The following PEAK1 variants were observed in gnomAD, a reference collection of about 807,000 sequenced individuals.
The protein encoded by PEAK1 is inactive tyrosine-protein kinase PEAK1.
Under a neutral mutation model 124.7 loss-of-function variants are expected in PEAK1, and 54 were observed. The observed-to-expected ratio is 0.43, with a 90% CI of 0.35 to 0.54. PEAK1 has a LOEUF of 0.54. Among genes scored for constraint, PEAK1 ranks in the 20% least tolerant of loss-of-function variants. PEAK1 has a pLI of 0.01. For missense variants in PEAK1, 2,046 were observed against 2,134.5 expected (o/e 0.96, Z 0.82); for synonymous variants, 719 against 760.0 (o/e 0.95, Z 0.89).
At chr15:77,174,800 C>A (rs905901333) in intron 7 of PEAK1, among the ~76,000 whole-genome samples, 16 of 152,154 alleles carry the variant, frequency 1.1e-4, no homozygotes, top group African/African-American at 3.6e-4. Flanking sequence ...CCAAGTCAAT[C>A]CTAAGCCAAA....
At chr15:77,200,794 ATTGT>A (rs2058324891) in intron 6 of PEAK1, among the ~76,000 whole-genome samples, 1 of 152,114 alleles carries the variant, frequency 6.6e-6, no homozygotes, top group African/African-American at 2.4e-5. Flanking sequence ...TTAGCAGGTG[ATTGT>A]TTCATGTTTG....
intron 6 of PEAK1, among the ~76,000 whole-genome samples, chr15:77,219,427 A>T (rs912594044): frequency 5.9e-5 from 9 of 152,156 alleles, no homozygotes; most frequent in African/African-American, 1.9e-4. Flanking sequence ...TAATCCCTTT[A>T]TATGTATGAG....
At chr15:77,280,454 T>C (rs2062604327) in intron 5 of PEAK1, among the ~76,000 whole-genome samples, 1 of 152,270 alleles carries the variant, frequency 6.6e-6, no homozygotes. Context: ...AATAGATACA[T>C]AAAGTGTATT....
At chr15:77,270,072 T>A (rs963609478) in intron 5 of PEAK1, among the ~76,000 whole-genome samples, 4 of 152,158 alleles carry the variant, frequency 2.6e-5, no homozygotes, top group African/African-American at 9.7e-5. Flanking sequence ...GAGGAGTGCT[T>A]TACTTCCAAC....
chr15:77,321,464 A>C (rs529121193), intron 2 of PEAK1, among the ~76,000 whole-genome samples: 2 of 152,318 alleles, frequency 1.3e-5, no homozygotes, highest in African/African-American at 4.8e-5. Flanking sequence ...TCTTCTTTTG[A>C]AAAGTGTCTG....
intron 6 of PEAK1, among the ~76,000 whole-genome samples, chr15:77,189,111 G>A (rs1213988492): frequency 1.3e-5 from 2 of 152,134 alleles, no homozygotes; most frequent in Non-Finnish European, 2.9e-5. Flanking sequence ...TGAGGCAGGA[G>A]AATCACTTGA....
chr15:77,168,595 C>T (rs183009302), intron 7 of PEAK1, among the ~76,000 whole-genome samples: 100 of 152,270 alleles, frequency 6.6e-4, no homozygotes, highest in African/African-American at 2.4e-3. Context: ...CATAGTTTGC[C>T]AACTCCTGGT....
chr15:77,311,360 C>T (rs934979915), intron 2 of PEAK1, among the ~76,000 whole-genome samples: 5 of 151,904 alleles, frequency 3.3e-5, no homozygotes, highest in East Asian at 1.9e-4. Context: ...AAGGAATGTT[C>T]GGAAATAAAT....
chr15:77,320,374 C>T (rs75239489), intron 2 of PEAK1, among the ~76,000 whole-genome samples: 3,449 of 152,252 alleles, frequency 0.023, 111 homozygotes, highest in African/African-American at 0.072. Flanking sequence ...ATCCCTAGTG[C>T]TGATCATGAT....
chr15:77,190,319 T>C lies in PEAK1; in HGVS notation c.-114-8279A>G, dbSNP rs191229014. On this transcript the variant is annotated intron_variant, in intron 6 of 9. Transcript: ENST00000682557. ...CTTTTGAGGAAATACCATAATAAAC[T>C]AGTCTTTCCTAGTGCAGATATTTGG... Among the ~76,000 whole-genome samples the C allele has an allele frequency of 6.2e-4, 95 of 152,348 alleles. 1 individual carries two copies. Among genetic ancestry groups the C allele is most frequent in the Non-Finnish European group, 2.9e-5 (2 of 68,036 alleles).
intron 8 of PEAK1, chr15:77,155,946 T>A (rs930360686): frequency 1.3e-5 from 2 of 152,860 alleles, no homozygotes. Flanking sequence ...TGCTCGGGGG[T>A]CAGGGACCCA....
intron 8 of PEAK1, among the ~76,000 whole-genome samples, chr15:77,153,422 T>A (rs998075599): frequency 6.6e-6 from 1 of 152,186 alleles, no homozygotes; most frequent in Non-Finnish European, 1.5e-5. Context: ...TTGTTGATCT[T>A]TTCAAAAAAA....
At chr15:77,274,494 A>C (rs11857330) in intron 5 of PEAK1, among the ~76,000 whole-genome samples, 54,723 of 151,874 alleles carry the variant, frequency 0.36, 10,020 homozygotes, top group Non-Finnish European at 0.38. Context: ...AAATGGCCAA[A>C]AAACATATGA....
intron 9 of PEAK1, 72 bp from the exon 10 acceptor site, chr15:77,115,391 C>G: frequency 7.2e-7 from 1 of 1,389,832 alleles, no homozygotes; most frequent in Non-Finnish European, 9.9e-7. Context: ...GGAAGATTAA[C>G]TGGAAGGTGA....
intron 2 of PEAK1, among the ~76,000 whole-genome samples, chr15:77,313,711 T>TATGG (rs1429821597): frequency 1.9e-4 from 21 of 109,570 alleles, no homozygotes; most frequent in Non-Finnish European, 3.6e-4. Flanking sequence ...TATATGTATG[T>TATGG]GTGTGTGTGT....
Position 77,133,348 on chromosome 15 carries a change from T to C in PEAK1, c.3734A>G (p.Asp1245Gly). ...ISSLTTLSIKDRFSNSMESLS... is the reference protein window; with the variant it reads ...ISSLTTLSIKGRFSNSMESLS... ...GGATTCCATGCTGTTGGAAAATCTA[T>C]CCTTAATACTGAGAGTGGTTAAGCT... The change falls in exon 9 of 10, where the codon GAT becomes GGT. Residue 1245 changes from aspartate to glycine, a missense_variant. Transcript: ENST00000682557. This position sits in a 1 kb window ranked among gnomAD's most constrained non-coding sequence, Gnocchi z 4.2. The C allele has an allele frequency of 6.2e-7, 1 of 1,614,236 alleles. No homozygotes were observed. The highest frequency in any genetic ancestry group is 8.5e-7 in the Non-Finnish European group (1 of 1,180,046).
intron 7 of PEAK1, among the ~76,000 whole-genome samples, chr15:77,171,921 C>T (rs1016599436): frequency 6.6e-6 from 1 of 152,038 alleles, no homozygotes; most frequent in Non-Finnish European, 1.5e-5. Context: ...TAGAGGACAA[C>T]TGAATTGCCT....
chr15:77,258,401 A>C (rs1314115446), intron 5 of PEAK1, among the ~76,000 whole-genome samples: 1 of 151,928 alleles, frequency 6.6e-6, no homozygotes, highest in African/African-American at 2.4e-5. Flanking sequence ...CTTTTATTTC[A>C]TTGAGCAGTG....
At chr15:77,121,040 T>A (rs927021260) in intron 9 of PEAK1, among the ~76,000 whole-genome samples, 6 of 152,222 alleles carry the variant, frequency 3.9e-5, no homozygotes, top group African/African-American at 1.4e-4. Context: ...ATTGCAGTTA[T>A]CACATTTTTT....
Sources: gnomAD v4.1 joint callset for allele counts (sites outside exome capture counted in the v4.1 genomes callset) on GRCh38, gnomAD v4.1.1 for gene constraint, Gnocchi (gnomAD v3.1) non-coding constraint, MANE v1.5 for transcripts, NCBI Gene and HGNC (gene_info 2026-07-23, HGNC 2026-07-21) for gene names.